Variants in MAGI2 observed in about 807,000 individuals in gnomAD.
The protein encoded by MAGI2 is membrane associated guanylate kinase, WW and PDZ domain containing 2, also known as membrane-associated guanylate kinase, WW and PDZ domain-containing protein 2.
Under a neutral mutation model 133.3 loss-of-function variants are expected in MAGI2, and 35 were observed. The observed-to-expected ratio is 0.26, with a 90% CI of 0.20 to 0.35. The LOEUF (loss-of-function observed/expected upper bound fraction) is 0.35. Ranked by LOEUF, MAGI2 falls within the 10% of genes least tolerant of loss-of-function variation. MAGI2 has a pLI of 1.00. For missense variants in MAGI2, 1,636 were observed against 1,863.4 expected (o/e 0.88, Z 2.25); for synonymous variants, 729 against 710.6 (o/e 1.03, Z -0.41).
intron 2 of MAGI2, among the ~76,000 whole-genome samples, chr7:78,793,463 T>C (rs1195614738): frequency 6.6e-6 from 1 of 152,148 alleles, no homozygotes. Flanking sequence ...CAATCCAAAA[T>C]GTTAGCGCAA....
At position 78,839,745 on chromosome 7, in the gene MAGI2, G is replaced by T. The variant is rs188381563; in HGVS notation, c.418+167345C>A. Among the ~76,000 whole-genome samples the T allele has an allele frequency of 1.3e-3, 195 of 152,112 alleles. 1 individual carries two copies. Among genetic ancestry groups the T allele is most frequent in the African/African-American group, 4.5e-3 (187 of 41,510 alleles). The stretch of plus-strand genomic sequence containing the variant: ...GGATTACAATTCAAGATGAGATTTG[G>T]GTAGGGACACAGAGCCAAACCATAT... On this transcript the variant is annotated intron_variant, in intron 2 of 21. Coordinates refer to ENST00000354212, the MANE Select transcript of MAGI2 (RefSeq NM_012301.4).
rs145808730 is a variant in MAGI2 at position 79,215,442 on chromosome 7, T to C, written c.302-208236A>G. Among the ~76,000 whole-genome samples the C allele has an allele frequency of 2.2e-3, 336 of 152,102 alleles. 1 individual carries two copies. Among genetic ancestry groups the C allele is most frequent in the African/African-American group, 7.8e-3 (322 of 41,404 alleles). On this transcript the variant is annotated intron_variant, in intron 1 of 21. Coordinates refer to ENST00000354212, the MANE Select transcript of MAGI2 (RefSeq NM_012301.4). ...ACCTTTTTAAGTCTGATAAGAAACA[T>C]TTACCATCTATTCTCTCTGAAACCT...
At chr7:79,107,267 G>T (rs1818524969) in intron 1 of MAGI2, among the ~76,000 whole-genome samples, 1 of 152,168 alleles carries the variant, frequency 6.6e-6, no homozygotes, top group Non-Finnish European at 1.5e-5. Context: ...CTTTGAAGAA[G>T]AAGGAGGCCA....
At chr7:78,369,318 G>A in intron 6 of MAGI2, 105 bp from the exon 7 acceptor site, 2 of 752,840 alleles carry the variant, frequency 2.7e-6, no homozygotes, top group Non-Finnish European at 4.3e-6. Flanking sequence ...CTGCCAAAGT[G>A]GAACAAAGCA....
At chr7:78,520,883 G>T (rs1231537054) in intron 4 of MAGI2, among the ~76,000 whole-genome samples, 1 of 152,138 alleles carries the variant, frequency 6.6e-6, no homozygotes, top group Non-Finnish European at 1.5e-5. Flanking sequence ...CATGTTTCCA[G>T]ATCAGGTGGT....
intron 1 of MAGI2, among the ~76,000 whole-genome samples, chr7:79,315,980 G>C (rs1056642300): frequency 2.0e-5 from 3 of 152,096 alleles, no homozygotes; most frequent in Non-Finnish European, 4.4e-5. Context: ...ACATGGCCCT[G>C]GGCAAGTTAT....
intron 1 of MAGI2, among the ~76,000 whole-genome samples, chr7:79,274,251 A>G (rs188533040): frequency 6.6e-6 from 1 of 152,284 alleles, no homozygotes; most frequent in African/African-American, 2.4e-5. Context: ...CCCTACCTGG[A>G]AGGCTTAGTA....
At chr7:78,979,089 C>T (rs937115185) in intron 2 of MAGI2, among the ~76,000 whole-genome samples, 3 of 151,856 alleles carry the variant, frequency 2.0e-5, no homozygotes, top group Non-Finnish European at 4.4e-5. Flanking sequence ...TACATGGTTA[C>T]ACATAGAAGT....
At chr7:78,774,396 C>T (rs1049652297) in intron 2 of MAGI2, among the ~76,000 whole-genome samples, 1 of 152,148 alleles carries the variant, frequency 6.6e-6, no homozygotes, top group Non-Finnish European at 1.5e-5. Flanking sequence ...CACAGTAACG[C>T]TGTACGAAGC....
At position 78,195,025 on chromosome 7, in the gene MAGI2, C is replaced by T. The variant is rs762979859; in HGVS notation, c.2118G>A (p.Thr706=). ...GCGGTATGGCCGGAGCAGATAAACT[C>T]GTTTGAGGACTGCCTTGATTCTCCC... ...DRWENQGSPQ[T]SLSAPAIPQN... The change falls in exon 12 of 22, where the codon ACG becomes ACA. Residue 706 remains threonine (T), a synonymous_variant. Coordinates refer to ENST00000354212, the MANE Select transcript of MAGI2 (RefSeq NM_012301.4). 101 of 1,612,756 alleles carry T rather than the reference C, an allele frequency of 6.3e-5. No homozygotes were observed. The highest frequency in any genetic ancestry group is 7.9e-5 in the Non-Finnish European group (93 of 1,179,540).
intron 2 of MAGI2, among the ~76,000 whole-genome samples, chr7:78,956,208 A>G (rs1462283067): frequency 6.6e-6 from 1 of 152,026 alleles, no homozygotes; most frequent in Non-Finnish European, 1.5e-5. Flanking sequence ...AGGTCTATTA[A>G]TTTTTTCCAC....
chr7:78,527,925 C>T (rs1797119143), intron 3 of MAGI2, among the ~76,000 whole-genome samples: 1 of 152,146 alleles, frequency 6.6e-6, no homozygotes, highest in African/African-American at 2.4e-5. Context: ...AATAAATATA[C>T]TTGTCTTCAA....
At chr7:79,442,601 A>T (rs757996000) in intron 1 of MAGI2, among the ~76,000 whole-genome samples, 2 of 152,152 alleles carry the variant, frequency 1.3e-5, no homozygotes, top group Non-Finnish European at 2.9e-5. Context: ...AGGAGATCCA[A>T]CTATAGATAC....
chr7:78,100,819 G>T (rs1818146883), intron 20 of MAGI2, among the ~76,000 whole-genome samples: 1 of 152,088 alleles, frequency 6.6e-6, no homozygotes, highest in Admixed American at 6.5e-5. Flanking sequence ...GAATTTACCA[G>T]AAAAGCTGTC....
chr7:78,881,483 C>T (rs374862878), intron 2 of MAGI2, among the ~76,000 whole-genome samples: 18 of 151,732 alleles, frequency 1.2e-4, no homozygotes, highest in Admixed American at 9.8e-4. Flanking sequence ...ATGTAAATGA[C>T]GAGTTAATGG....
intron 6 of MAGI2, among the ~76,000 whole-genome samples, chr7:78,379,968 G>T (rs747299835): frequency 3.0e-4 from 45 of 150,556 alleles, no homozygotes; most frequent in Non-Finnish European, 5.7e-4. Flanking sequence ...AACTGAAATT[G>T]CATATTTTCT....
intron 6 of MAGI2, among the ~76,000 whole-genome samples, chr7:78,454,171 C>T (rs958754330): frequency 6.6e-6 from 1 of 152,088 alleles, no homozygotes; most frequent in East Asian, 1.9e-4. Context: ...ATTACTCCAT[C>T]GCATGAGTAG....
chr7:78,250,965 A>G (rs991317486), intron 10 of MAGI2, among the ~76,000 whole-genome samples: 7 of 152,142 alleles, frequency 4.6e-5, no homozygotes, highest in African/African-American at 1.7e-4. Flanking sequence ...TCTTCCCCCA[A>G]ACAGATTAAA....
intron 1 of MAGI2, chr7:79,409,980 A>G (rs1017169145): frequency 1.4e-4 from 21 of 152,114 alleles, no homozygotes; most frequent in Admixed American, 2.0e-4. Flanking sequence ...GTAATATTTG[A>G]TGGGAAGAAT....
Sources: gnomAD v4.1 joint callset for allele counts (sites outside exome capture counted in the v4.1 genomes callset) on GRCh38, gnomAD v4.1.1 for gene constraint, MANE v1.5 for transcripts, NCBI Gene and HGNC (gene_info 2026-07-23, HGNC 2026-07-21) for gene names.